The following IMMP2L variants were observed in gnomAD, a reference collection of about 807,000 sequenced individuals.
IMMP2L encodes the protein inner mitochondrial membrane peptidase subunit 2, also known as mitochondrial inner membrane protease subunit 2.
Under a neutral mutation model 19.3 loss-of-function variants are expected in IMMP2L, and 18 were observed. The observed-to-expected ratio is 0.93, with a 90% CI of 0.64 to 1.38. The LOEUF is 1.38. Among genes scored for constraint, IMMP2L ranks in the 40% most tolerant of loss-of-function variants. The pLI, the probability that IMMP2L is intolerant of heterozygous loss-of-function variation, is 0.00. For missense variants in IMMP2L, 233 were observed against 218.2 expected (o/e 1.07, Z -0.43); for synonymous variants, 76 against 73.0 (o/e 1.04, Z -0.21).
At position 110,669,052 on chromosome 7, in the gene IMMP2L, CGTGT is replaced by C. The variant is rs1165734674; in HGVS notation, c.409-5335_409-5332del. 8.6e-4 allele frequency among the ~76,000 whole-genome samples: 56 copies of C among 65,322 alleles called. 1 individual carries two copies. The highest frequency in any genetic ancestry group is 9.1e-3 in the Middle Eastern group (1 of 110). 42.9% of individuals were successfully genotyped at this position (65,322 alleles called of 152,430 possible). ...ATGTGTGTGTGTGTGTGTGTGTGTG[CGTGT>C]GTGTGTGTGTGTGTGTGTGTGTGTG... On this transcript the variant is annotated intron_variant, in intron 5 of 5. Coordinates refer to ENST00000405709, the MANE Select transcript of IMMP2L (RefSeq NM_032549.4).
chr7:111,112,024 T>C (rs945868595), intron 3 of IMMP2L, among the ~76,000 whole-genome samples: 1 of 142,504 alleles, frequency 7.0e-6, no homozygotes, highest in African/African-American at 2.6e-5. Context: ...CTCGGCTCAC[T>C]GCAACCTCTG....
At position 111,504,644 on chromosome 7, in the gene IMMP2L, A is replaced by G. The variant is rs1002949757; in HGVS notation, c.135+16669T>C. 1.8e-4 allele frequency among the ~76,000 whole-genome samples: 28 copies of G among 152,304 alleles called. 1 individual carries two copies. In the East Asian group the frequency reaches 4.2e-3, roughly 23 times the overall value. On this transcript the variant is annotated intron_variant, in intron 2 of 5. Coordinates refer to ENST00000405709, the MANE Select transcript of IMMP2L (RefSeq NM_032549.4). Reference sequence around the variant, plus strand: ...CAGAGATATAGATTAATGGAACAGAACAGAGCCCTCAGAAATAATGCCGCA... The same window carrying G: ...CAGAGATATAGATTAATGGAACAGAGCAGAGCCCTCAGAAATAATGCCGCA...
At chr7:111,498,028 A>C (rs1162815335) in intron 2 of IMMP2L, among the ~76,000 whole-genome samples, 32 of 151,980 alleles carry the variant, frequency 2.1e-4, no homozygotes, top group Non-Finnish European at 8.8e-5. Flanking sequence ...GTAAGCACTA[A>C]GCAATGAATT....
chr7:111,324,714 A>G (rs995288871), intron 3 of IMMP2L, among the ~76,000 whole-genome samples: 5 of 151,940 alleles, frequency 3.3e-5, no homozygotes, highest in African/African-American at 1.2e-4. Flanking sequence ...TAGCTAAAAA[A>G]TAAATATTCA....
At chr7:111,388,103 C>T (rs137965927) in intron 3 of IMMP2L, among the ~76,000 whole-genome samples, 27 of 151,826 alleles carry the variant, frequency 1.8e-4, no homozygotes, top group African/African-American at 6.0e-4. Context: ...TCCACACAGC[C>T]CTTTATATCT....
intron 3 of IMMP2L, among the ~76,000 whole-genome samples, chr7:111,005,264 T>C (rs966610986): frequency 1.3e-5 from 2 of 152,166 alleles, no homozygotes; most frequent in African/African-American, 4.8e-5. Flanking sequence ...CCAGGAAGAA[T>C]TGTTTCATCC....
chr7:111,015,236 T>C (rs976928182), intron 3 of IMMP2L, among the ~76,000 whole-genome samples: 1 of 152,104 alleles, frequency 6.6e-6, no homozygotes, highest in Admixed American at 6.6e-5. Context: ...AAAGGAAGGA[T>C]AGCCTATCAT....
intron 5 of IMMP2L, among the ~76,000 whole-genome samples, chr7:110,685,881 T>C (rs1318735661): frequency 1.3e-5 from 2 of 152,102 alleles, no homozygotes; most frequent in African/African-American, 4.8e-5. Flanking sequence ...AGACTTCCAT[T>C]GTTGCTTTAA....
chr7:110,698,302 T>C (rs1760475675), intron 5 of IMMP2L, among the ~76,000 whole-genome samples: 1 of 152,230 alleles, frequency 6.6e-6, no homozygotes, highest in South Asian at 2.1e-4. Flanking sequence ...TGTATAACTG[T>C]TACCTACTGG....
At chr7:111,212,619 CA>C (rs1020534801) in intron 3 of IMMP2L, among the ~76,000 whole-genome samples, 27 of 149,340 alleles carry the variant, frequency 1.8e-4, no homozygotes, top group African/African-American at 3.4e-4. Flanking sequence ...CACTACCACC[CA>C]AAAAAAAGGG....
intron 3 of IMMP2L, among the ~76,000 whole-genome samples, chr7:111,283,233 C>A (rs916209294): frequency 6.6e-6 from 1 of 151,970 alleles, no homozygotes; most frequent in Non-Finnish European, 1.5e-5. Flanking sequence ...AAGAAGAAAT[C>A]AAAAGGGGAA....
Position 111,123,233 on chromosome 7 carries a change from C to T in IMMP2L, c.240-159668G>A, listed in dbSNP as rs780343013. Reference sequence around the variant, plus strand: ...TATATTAATCACAACTTGCTTTCTACAATTTCACCTGGAGCCTTTATTGGC... The same window carrying T: ...TATATTAATCACAACTTGCTTTCTATAATTTCACCTGGAGCCTTTATTGGC... On this transcript the variant is annotated intron_variant, in intron 3 of 5. Coordinates refer to ENST00000405709, the MANE Select transcript of IMMP2L (RefSeq NM_032549.4). This position sits in a 1 kb window ranked among gnomAD's most constrained non-coding sequence, Gnocchi z 6.4. 2.0e-5 allele frequency: 33 copies of T among 1,613,732 alleles called. No individual in the cohort carries two copies. In the Admixed American group the frequency reaches 4.2e-4, roughly 20 times the overall value.
chr7:111,225,222 C>T (rs1029591147), intron 3 of IMMP2L, among the ~76,000 whole-genome samples: 1 of 152,076 alleles, frequency 6.6e-6, no homozygotes, highest in Admixed American at 6.6e-5. Context: ...CCAATGATAA[C>T]ATTAAAGCTT....
intron 4 of IMMP2L, among the ~76,000 whole-genome samples, chr7:110,947,252 A>T (rs1005866800): frequency 1.3e-5 from 2 of 152,162 alleles, no homozygotes; most frequent in African/African-American, 4.8e-5. Context: ...TTTCATTATC[A>T]TAACCTCCTT....
chr7:111,071,614 A>T (rs1794957960), intron 3 of IMMP2L, among the ~76,000 whole-genome samples: 1 of 152,206 alleles, frequency 6.6e-6, no homozygotes, highest in Admixed American at 6.5e-5. Flanking sequence ...CATTATACTA[A>T]GTGAAAGAAT....
At chr7:110,663,858 AC>A (rs1791237380) in intron 5 of IMMP2L, 137 bp from the exon 6 acceptor site, 1 of 547,142 alleles carries the variant, frequency 1.8e-6, no homozygotes, top group South Asian at 3.1e-5. Context: ...AATAGTAAAC[AC>A]CTTTTGTAGC....
intron 5 of IMMP2L, among the ~76,000 whole-genome samples, chr7:110,767,873 C>T (rs1041914957): frequency 1.3e-5 from 2 of 152,122 alleles, no homozygotes; most frequent in Non-Finnish European, 1.5e-5. Context: ...GCCCCTGGCA[C>T]GGCACTTAAG....
intron 2 of IMMP2L, among the ~76,000 whole-genome samples, chr7:111,504,427 C>A (rs1400448605): frequency 5.9e-5 from 9 of 151,490 alleles, no homozygotes; most frequent in Non-Finnish European, 1.3e-4. Flanking sequence ...ATGCCATCCC[C>A]ATCAAGCTAC....
rs886068031 is a variant in IMMP2L, at chr7:111,473,885, C to T, written c.239+13353G>A. ...GCACACACTCATATGTTCATCACAG[C>T]ACTATGCACAATGGCTAAGACATGG... is the stretch of plus-strand genomic sequence containing the variant. On this transcript the variant is annotated intron_variant, in intron 3 of 5. Transcript: ENST00000405709. Among the ~76,000 whole-genome samples, 14 of 152,224 alleles carry T rather than the reference C, an allele frequency of 9.2e-5. No individual in the cohort carries two copies. The South Asian group carries it at 1.0e-3, about 11-fold the overall frequency.
Sources: gnomAD v4.1 joint callset for allele counts (sites outside exome capture counted in the v4.1 genomes callset) on GRCh38, gnomAD v4.1.1 for gene constraint, Gnocchi (gnomAD v3.1) non-coding constraint, MANE v1.5 for transcripts, NCBI Gene and HGNC (gene_info 2026-07-23, HGNC 2026-07-21) for gene names.